FOXP2: variants seen among roughly 807,000 people sequenced by gnomAD.
FOXP2 encodes forkhead box P2.
FOXP2 carries 12 observed loss-of-function variants against 115.8 expected under a neutral mutation model. That is an observed-to-expected ratio of 0.10 (90% confidence interval 0.07 to 0.17). The LOEUF (loss-of-function observed/expected upper bound fraction) is 0.17, where lower values mean the gene tolerates loss of function less well. Among genes scored for constraint, FOXP2 ranks in the 10% least tolerant of loss-of-function variants. The pLI is 1.00. For missense variants in FOXP2, 629 were observed against 843.5 expected (o/e 0.75, Z 3.15); for synonymous variants, 328 against 297.7 (o/e 1.10, Z -1.05).
intron 1 of FOXP2, among the ~76,000 whole-genome samples, chr7:114,101,699 A>G (rs1274399503): frequency 6.6e-6 from 1 of 151,936 alleles, no homozygotes; most frequent in African/African-American, 2.4e-5. Flanking sequence ...CTTCTTATGT[A>G]TTATGTCTGT....
intron 3 of FOXP2, among the ~76,000 whole-genome samples, chr7:114,566,841 T>C (rs896569142): frequency 4.6e-5 from 7 of 151,944 alleles, no homozygotes; most frequent in Non-Finnish European, 8.8e-5. Context: ...ATTTAAAATA[T>C]TTTCATTTGT....
intron 1 of FOXP2, among the ~76,000 whole-genome samples, chr7:114,185,798 TTTAC>T (rs1262042560): frequency 5.9e-5 from 9 of 152,182 alleles, no homozygotes; most frequent in African/African-American, 9.7e-5. Context: ...ATTCTATATA[TTTAC>T]TTTATGCGTT....
intron 3 of FOXP2, among the ~76,000 whole-genome samples, chr7:114,539,028 C>G (rs1287255455): frequency 6.6e-6 from 1 of 151,754 alleles, no homozygotes; most frequent in Non-Finnish European, 1.5e-5. Flanking sequence ...TAATAATCTA[C>G]ATTGAAATGT....
At chr7:114,086,385 C>G (rs975821663), upstream of FOXP2, 17 of 369,668 alleles carry the variant, frequency 4.6e-5, no homozygotes, top group Non-Finnish European at 7.4e-5. Flanking sequence ...CGCCCTAGCT[C>G]TAGCCCCGCG....
chr7:114,347,656 G>A (rs1161297764), intron 2 of FOXP2, among the ~76,000 whole-genome samples: 2 of 152,018 alleles, frequency 1.3e-5, no homozygotes, highest in Non-Finnish European at 2.9e-5. Flanking sequence ...AAGCAAGGTA[G>A]TTCACTAAAA....
intron 8 of FOXP2, among the ~76,000 whole-genome samples, chr7:114,649,010 T>C (rs1424160165): frequency 6.6e-6 from 1 of 152,104 alleles, no homozygotes; most frequent in Non-Finnish European, 1.5e-5. Flanking sequence ...GTAGAATGCA[T>C]TTAAATATTT....
chr7:114,330,380 C>A (rs767747969), intron 2 of FOXP2, among the ~76,000 whole-genome samples: 1 of 151,294 alleles, frequency 6.6e-6, no homozygotes, highest in Non-Finnish European at 1.5e-5. Context: ...CGCCTATAAT[C>A]CTAGCACTCT....
At chr7:114,312,375 C>T (rs1380775145) in intron 2 of FOXP2, among the ~76,000 whole-genome samples, 2 of 152,128 alleles carry the variant, frequency 1.3e-5, no homozygotes, top group African/African-American at 4.8e-5. Context: ...TAAACATTAT[C>T]TTAACTCCCA....
At chr7:114,462,277 GAAAAAAAAAAA>G (rs766244858) in intron 2 of FOXP2, among the ~76,000 whole-genome samples, 295 of 20,818 alleles carry the variant, frequency 0.014, 5 homozygotes, top group African/African-American at 0.043. Context: ...GAGACTCCGT[GAAAAAAAAAAA>G]AAAAAAAAAA....
At chr7:114,474,085 A>G (rs1021207382) in intron 2 of FOXP2, among the ~76,000 whole-genome samples, 1 of 152,212 alleles carries the variant, frequency 6.6e-6, no homozygotes, top group African/African-American at 2.4e-5. Flanking sequence ...CATAAGGTAG[A>G]TATAAACCTC....
At chr7:114,384,510 ACC>A (rs1314000178) in intron 2 of FOXP2, among the ~76,000 whole-genome samples, 2 of 152,028 alleles carry the variant, frequency 1.3e-5, no homozygotes, top group Non-Finnish European at 2.9e-5. Context: ...ATGACTGAAT[ACC>A]CATTGTATTC....
intron 1 of FOXP2, among the ~76,000 whole-genome samples, chr7:114,101,902 TGTG>T (rs1790976249): frequency 1.6e-5 from 1 of 63,756 alleles, no homozygotes; most frequent in African/African-American, 1.2e-4. Flanking sequence ...CAACATTTTG[TGTG>T]TGTGTGTGTG....
chr7:114,256,893 G>A (rs1795627439), intron 1 of FOXP2, among the ~76,000 whole-genome samples: 8 of 152,158 alleles, frequency 5.3e-5, no homozygotes. Context: ...TAGATTCAGT[G>A]CTATTCCCAT....
intron 16 of FOXP2, among the ~76,000 whole-genome samples, chr7:114,673,820 C>A (rs1807618201): frequency 6.6e-6 from 1 of 152,126 alleles, no homozygotes; most frequent in Non-Finnish European, 1.5e-5. Context: ...CTGTCTCAGC[C>A]TCCTGAGTAG....
chr7:114,361,137 G>T (rs1229160933), intron 2 of FOXP2, among the ~76,000 whole-genome samples: 1 of 152,006 alleles, frequency 6.6e-6, no homozygotes, highest in African/African-American at 2.4e-5. Context: ...TCTCATCAGA[G>T]AAATATTAGG....
At chr7:114,379,485 T>C (rs1170301930) in intron 2 of FOXP2, among the ~76,000 whole-genome samples, 1 of 152,086 alleles carries the variant, frequency 6.6e-6, no homozygotes, top group Non-Finnish European at 1.5e-5. Context: ...AACTGCTTCC[T>C]GCTGAATTGG....
At chr7:114,164,088 C>A (rs921379119) in intron 1 of FOXP2, among the ~76,000 whole-genome samples, 18 of 152,074 alleles carry the variant, frequency 1.2e-4, no homozygotes, top group African/African-American at 4.1e-4. Context: ...ATGGAGTGGT[C>A]CAAGTGGCCC....
chr7:114,480,270 C>T (rs972632262), intron 2 of FOXP2, among the ~76,000 whole-genome samples: 1 of 150,964 alleles, frequency 6.6e-6, no homozygotes, highest in Non-Finnish European at 1.5e-5. Context: ...TCCCCCTCTT[C>T]CTCCTCTGTT....
chr7:114,672,935 G>T (rs1807571186), intron 16 of FOXP2, among the ~76,000 whole-genome samples: 1 of 152,148 alleles, frequency 6.6e-6, no homozygotes, highest in Non-Finnish European at 1.5e-5. Context: ...CAAAAGAGCG[G>T]CCACAGCAGT....
Sources: gnomAD v4.1 joint callset for allele counts (sites outside exome capture counted in the v4.1 genomes callset) on GRCh38, gnomAD v4.1.1 for gene constraint, MANE v1.5 for transcripts, NCBI Gene and HGNC (gene_info 2026-07-23, HGNC 2026-07-21) for gene names.